The following ZNF787 variants were observed in gnomAD, a reference collection of about 807,000 sequenced individuals.
The protein encoded by ZNF787 is TTF-I-interacting peptide 20.
A neutral mutation model predicts 16.9 loss-of-function variants in ZNF787; 7 were observed. The ratio of observed to expected loss-of-function variants is 0.42; its 90% CI spans 0.24 to 0.78. ZNF787 has a LOEUF of 0.78. Among genes scored for constraint, ZNF787 ranks in the 30% least tolerant of loss-of-function variants. The probability of loss-of-function intolerance (pLI) is 0.30; values close to 1 mark genes in which losing one functional copy is unlikely to be tolerated. For synonymous variants in ZNF787, 345 were observed against 270.9 expected (o/e 1.27, Z -2.69); for missense variants, 551 against 589.3 (o/e 0.94, Z 0.67).
intron 2 of ZNF787, among the ~76,000 whole-genome samples, chr19:56,093,689 C>T (rs184340959): frequency 7.8e-4 from 119 of 152,296 alleles, no homozygotes; most frequent in Non-Finnish European, 1.4e-3. Flanking sequence ...GTACCCTTCC[C>T]ATCTGAAGGT....
intron 1 of ZNF787, among the ~76,000 whole-genome samples, chr19:56,114,102 G>T (rs2030060474): frequency 6.6e-6 from 1 of 152,150 alleles, no homozygotes. Flanking sequence ...GCACGTGCCG[G>T]CTGCCCCTCA....
At chr19:56,111,253 G>A (rs1412642467) in intron 1 of ZNF787, among the ~76,000 whole-genome samples, 4 of 152,166 alleles carry the variant, frequency 2.6e-5, no homozygotes, top group African/African-American at 4.8e-5. Context: ...CTGGAATGGC[G>A]CCAGGAGGGA....
intron 2 of ZNF787, among the ~76,000 whole-genome samples, chr19:56,090,035 C>T (rs1452583230): frequency 6.6e-6 from 1 of 152,146 alleles, no homozygotes; most frequent in Non-Finnish European, 1.5e-5. Flanking sequence ...CGTGGACACC[C>T]CAGGTGCACC....
chr19:56,102,076 T>A (rs1986120558), intron 2 of ZNF787: 1 of 152,204 alleles, frequency 6.6e-6, no homozygotes, highest in Non-Finnish European at 1.5e-5. Context: ...CATCCACAGA[T>A]CTCAGAAATC....
At chr19:56,107,365 T>C (rs1272172475) in intron 1 of ZNF787, among the ~76,000 whole-genome samples, 3 of 152,056 alleles carry the variant, frequency 2.0e-5, no homozygotes, top group Non-Finnish European at 4.4e-5. Flanking sequence ...CGTGGGAACA[T>C]GAAGGCCGCG....
intron 1 of ZNF787, among the ~76,000 whole-genome samples, chr19:56,115,278 G>A (rs1167300796): frequency 2.0e-5 from 3 of 151,808 alleles, no homozygotes; most frequent in African/African-American, 4.8e-5. Flanking sequence ...GGTTCAGGAC[G>A]CAGAGGGAAG....
intron 2 of ZNF787, among the ~76,000 whole-genome samples, chr19:56,100,515 C>T (rs528246681): frequency 2.6e-5 from 4 of 152,188 alleles, no homozygotes; most frequent in African/African-American, 4.8e-5. Flanking sequence ...CTCTGCCTGG[C>T]GGGCATGCTC....
At chr19:56,110,073 A>C (rs1455624561) in intron 1 of ZNF787, among the ~76,000 whole-genome samples, 17 of 152,128 alleles carry the variant, frequency 1.1e-4, no homozygotes, top group Admixed American at 1.1e-3. Flanking sequence ...TTAAAAAAGC[A>C]AATGTTGGCC....
At chr19:56,102,656 G>A (rs930241077) in intron 2 of ZNF787, 8 of 484,160 alleles carry the variant, frequency 1.7e-5, no homozygotes, top group African/African-American at 7.8e-5. Flanking sequence ...GTCAGCCTGC[G>A]GGTTCCCTGC....
chr19:56,096,782 G>A (rs757018937), intron 2 of ZNF787, among the ~76,000 whole-genome samples: 10 of 152,096 alleles, frequency 6.6e-5, no homozygotes, highest in Non-Finnish European at 1.5e-4. Flanking sequence ...CTGAAACATG[G>A]AGCCCGTGCT....
At position 56,089,055 on chromosome 19, in the gene ZNF787, G is replaced by A; in HGVS notation, c.117C>T (p.Ser39=). The A allele has an allele frequency of 1.4e-6, 2 of 1,466,032 alleles. No individual in the cohort carries two copies. The highest frequency in any genetic ancestry group is 9.0e-7 in the Non-Finnish European group (1 of 1,111,404). The allele number at this position is 1,466,032 out of a possible 1,614,324, so 90.8% of individuals were successfully genotyped here. ...ILIMDDDDVP[S]WPPTKLSPPQ... Reference sequence around the variant, plus strand: ...GCGGGGACAGCTTGGTGGGAGGCCAGCTGGGGACGTCGTCATCATCCATGA... The same window carrying A: ...GCGGGGACAGCTTGGTGGGAGGCCAACTGGGGACGTCGTCATCATCCATGA... Residue 39 remains serine (S), a synonymous_variant, in exon 3 of 3, where the codon AGC becomes AGT. Coordinates refer to ENST00000610935, the MANE Select transcript of ZNF787 (RefSeq NM_001002836.4).
chr19:56,112,707 T>TC (rs931393507), intron 1 of ZNF787, among the ~76,000 whole-genome samples: 1 of 150,678 alleles, frequency 6.6e-6, no homozygotes, highest in East Asian at 2.0e-4. Flanking sequence ...CTCCCTTCCT[T>TC]CCCCCCAAGT....
chr19:56,118,688 C>T (rs2030205592), intron 1 of ZNF787, among the ~76,000 whole-genome samples: 1 of 152,210 alleles, frequency 6.6e-6, no homozygotes, highest in African/African-American at 2.4e-5. Flanking sequence ...CAGTTTCTCA[C>T]ACCACAGAGG....
chr19:56,111,016 C>T (rs576740908), intron 1 of ZNF787, among the ~76,000 whole-genome samples: 14 of 152,358 alleles, frequency 9.2e-5, no homozygotes, highest in African/African-American at 3.4e-4. Context: ...AACTGCCCCC[C>T]AGATACTAAT....
intron 1 of ZNF787, among the ~76,000 whole-genome samples, chr19:56,115,969 T>C (rs1045076795): frequency 2.0e-5 from 3 of 152,104 alleles, no homozygotes; most frequent in Non-Finnish European, 4.4e-5. Flanking sequence ...CAAAGTACAC[T>C]ATGGACTCTG....
chr19:56,107,100 C>T (rs780143329), intron 1 of ZNF787, among the ~76,000 whole-genome samples: 3 of 152,148 alleles, frequency 2.0e-5, no homozygotes, highest in South Asian at 4.1e-4. Flanking sequence ...CCCCACCCCA[C>T]GGTTCCAGGC....
At chr19:56,097,696 G>T (rs905944633) in intron 2 of ZNF787, among the ~76,000 whole-genome samples, 3 of 152,228 alleles carry the variant, frequency 2.0e-5, no homozygotes, top group African/African-American at 7.2e-5. Context: ...CAGGCACGGC[G>T]CGAGGGATCA....
intron 1 of ZNF787, among the ~76,000 whole-genome samples, chr19:56,109,434 G>C (rs989483953): frequency 6.6e-6 from 1 of 152,154 alleles, no homozygotes; most frequent in African/African-American, 2.4e-5. Context: ...CACCAGCACC[G>C]GGAGCTGAGG....
intron 1 of ZNF787, among the ~76,000 whole-genome samples, chr19:56,113,934 A>T (rs1334358881): frequency 6.6e-6 from 1 of 152,034 alleles, no homozygotes; most frequent in Non-Finnish European, 1.5e-5. Flanking sequence ...GGTTCAAGGG[A>T]TTCTCCTGCC....
Sources: allele counts gnomAD v4.1 joint callset (sites outside exome capture counted in the v4.1 genomes callset), GRCh38; gene constraint gnomAD v4.1.1; transcripts MANE v1.5; gene names NCBI Gene and HGNC (gene_info 2026-07-23, HGNC 2026-07-21).